SGK1: variants seen among roughly 807,000 people sequenced by gnomAD.
SGK1 encodes the protein serine/threonine-protein kinase Sgk1.
SGK1 carries 26 observed loss-of-function variants against 64.2 expected under a neutral mutation model. The ratio of observed to expected loss-of-function variants is 0.40; its 90% CI spans 0.30 to 0.56. The LOEUF is 0.56. Ranked by LOEUF, SGK1 falls within the 20% of genes least tolerant of loss-of-function variation. The pLI is 0.38. For synonymous variants in SGK1, 265 were observed against 239.7 expected, an observed-to-expected ratio of 1.11 and a Z score of -0.98; for missense variants, 519 against 645.6, an observed-to-expected ratio of 0.80 and a Z score of 2.12.
chr6:134,277,645 C>A (rs1162535232), intron 1 of SGK1, among the ~76,000 whole-genome samples: 1 of 152,100 alleles, frequency 6.6e-6, no homozygotes, highest in Non-Finnish European at 1.5e-5. Context: ...TATTGTTCCT[C>A]AAAGACATCT....
At chr6:134,278,986 A>G (rs1247614595) in intron 1 of SGK1, among the ~76,000 whole-genome samples, 1 of 152,252 alleles carries the variant, frequency 6.6e-6, no homozygotes, top group African/African-American at 2.4e-5. Flanking sequence ...ATTTCAGGAC[A>G]GCTACATTTA....
chr6:134,184,046 C>T (rs957198688), intron 3 of SGK1, among the ~76,000 whole-genome samples: 1 of 152,130 alleles, frequency 6.6e-6, no homozygotes, highest in East Asian at 1.9e-4. Flanking sequence ...CCTTCTCCCT[C>T]CCTCCAGGTT....
intron 2 of SGK1, chr6:134,261,725 G>A: frequency 1.6e-6 from 1 of 616,934 alleles, no homozygotes; most frequent in South Asian, 2.0e-5. Context: ...CAATGTTGCT[G>A]TGAACTTAAA....
rs532472125 is a variant in SGK1 at position 134,176,917 on chromosome 6, T to C, written c.362-2331A>G. On this transcript the variant is annotated intron_variant, in intron 3 of 13. Transcript: ENST00000367858. The stretch of plus-strand genomic sequence containing the variant: ...AAAGTTTGCTCAGTGCCCACACTTA[T>C]AAAAAGCATTTACTGGGGCCGGGCG... 6.6e-5 allele frequency among the ~76,000 whole-genome samples: 10 copies of C among 152,252 alleles called. No homozygotes were observed. In the East Asian group the frequency reaches 1.5e-3, roughly 24 times the overall value.
chr6:134,172,135 T>C (rs764300376), intron 10 of SGK1, 58 bp downstream of exon 10: 4 of 1,596,018 alleles, frequency 2.5e-6, no homozygotes, highest in South Asian at 2.2e-5. Context: ...TGCATGATTG[T>C]ACATCTCTCT....
chr6:134,237,418 G>C (rs1438713157), intron 2 of SGK1, among the ~76,000 whole-genome samples: 2 of 151,616 alleles, frequency 1.3e-5, no homozygotes, highest in African/African-American at 2.4e-5. Context: ...GCTCATGCCT[G>C]TAATCCCAGC....
Position 134,171,187 on chromosome 6 carries a change from AG to A in SGK1, c.1168-10del. 1 of 1,613,932 alleles carries A rather than the reference AG, an allele frequency of 6.2e-7. No individual in the cohort carries two copies. The highest frequency in any genetic ancestry group is 8.5e-7 in the Non-Finnish European group (1 of 1,179,856). Reference sequence around the variant, plus strand: ...CGGCTATAAAAAGGCGGCTGAAAGAAGGGGAAAATTACTTTAGACTTAATTG... The same window carrying A: ...CGGCTATAAAAAGGCGGCTGAAAGAAGGGAAAATTACTTTAGACTTAATTG... On this transcript the variant is annotated splice_polypyrimidine_tract_variant and intron_variant, in intron 11 of 13. Transcript: ENST00000367858.
intron 1 of SGK1, among the ~76,000 whole-genome samples, chr6:134,264,351 C>T (rs1452445754): frequency 6.6e-6 from 1 of 152,010 alleles, no homozygotes; most frequent in East Asian, 1.9e-4. Context: ...GATCTCCTGA[C>T]CTCATGATCC....
intron 3 of SGK1, among the ~76,000 whole-genome samples, chr6:134,178,403 C>T (rs984728113): frequency 2.0e-5 from 3 of 152,068 alleles, no homozygotes; most frequent in Non-Finnish European, 4.4e-5. Flanking sequence ...TGACACACGG[C>T]GGAGGGGTGC....
chr6:134,250,561 GT>G (rs925049876), intron 2 of SGK1, among the ~76,000 whole-genome samples: 5 of 152,154 alleles, frequency 3.3e-5, no homozygotes, highest in Non-Finnish European at 7.3e-5. Flanking sequence ...ACATTTAGGT[GT>G]TTATCCAAGG....
intron 1 of SGK1, among the ~76,000 whole-genome samples, chr6:134,270,980 T>C (rs1414498350): frequency 1.5e-5 from 2 of 130,026 alleles, no homozygotes; most frequent in Non-Finnish European, 3.2e-5. Context: ...TCAACGTACG[T>C]TTTTCTTTGG....
chr6:134,232,421 A>AAGAGAGAGAGAGAGAGAGAGAG (rs762251415), intron 2 of SGK1, among the ~76,000 whole-genome samples: 1 of 44,446 alleles, frequency 2.2e-5, no homozygotes, highest in African/African-American at 8.1e-5. Flanking sequence ...AAGAGAAAGA[A>AAGAGAGAGAGAGAGAGAGAGAG]AGAAAGAAAG....
intron 1 of SGK1, among the ~76,000 whole-genome samples, chr6:134,265,571 A>AT (rs1253746045): frequency 1.4e-5 from 2 of 146,476 alleles, no homozygotes; most frequent in African/African-American, 5.0e-5. Context: ...ATACATATAT[A>AT]TTTATACATA....
chr6:134,214,258 G>A (rs1408994132), intron 2 of SGK1, among the ~76,000 whole-genome samples: 1 of 151,302 alleles, frequency 6.6e-6, no homozygotes, highest in Non-Finnish European at 1.5e-5. Context: ...ACTTTTTTTT[G>A]CCTAACCACC....
chr6:134,229,839 A>T (rs909385285), intron 2 of SGK1, among the ~76,000 whole-genome samples: 1 of 152,234 alleles, frequency 6.6e-6, no homozygotes, highest in African/African-American at 2.4e-5. Flanking sequence ...GGAATGGAAA[A>T]ATCAGGTAAA....
chr6:134,243,399 C>T (rs1776476983), intron 2 of SGK1, among the ~76,000 whole-genome samples: 1 of 151,892 alleles, frequency 6.6e-6, no homozygotes, highest in African/African-American at 2.4e-5. Context: ...GATGGAGTTT[C>T]CCTCTTGTTG....
At chr6:134,190,196 G>A (rs1437170877) in intron 3 of SGK1, among the ~76,000 whole-genome samples, 1 of 151,786 alleles carries the variant, frequency 6.6e-6, no homozygotes, top group African/African-American at 2.4e-5. Context: ...ATTCATAACT[G>A]ATGGCCCTTT....
chr6:134,238,042 T>C (rs1461304430), intron 2 of SGK1, among the ~76,000 whole-genome samples: 1 of 152,234 alleles, frequency 6.6e-6, no homozygotes, highest in Non-Finnish European at 1.5e-5. Context: ...ATTCTTTTTT[T>C]AGAGTATAAT....
intron 2 of SGK1, among the ~76,000 whole-genome samples, chr6:134,217,062 A>G (rs1379063332): frequency 6.6e-6 from 1 of 152,216 alleles, no homozygotes. Flanking sequence ...AGGAAAGACC[A>G]GAATTGAAGA....
Sources: gnomAD v4.1 joint callset for allele counts (sites outside exome capture counted in the v4.1 genomes callset) on GRCh38, gnomAD v4.1.1 for gene constraint, MANE v1.5 for transcripts, NCBI Gene and HGNC (gene_info 2026-07-23, HGNC 2026-07-21) for gene names.